The following GRIN2A variants were observed in gnomAD, a reference collection of about 807,000 sequenced individuals.
GRIN2A encodes the protein glutamate ionotropic receptor NMDA type subunit 2A.
In GRIN2A, 22 loss-of-function variants were observed where a neutral mutation model predicts 113.4. The ratio of observed to expected loss-of-function variants is 0.19; its 90% CI spans 0.14 to 0.28. The LOEUF (loss-of-function observed/expected upper bound fraction) is 0.28. Ranked by LOEUF, GRIN2A falls within the 10% of genes least tolerant of loss-of-function variation. The pLI, the probability that GRIN2A is intolerant of heterozygous loss-of-function variation, is 1.00. For missense variants in GRIN2A, 1,502 were observed against 1,887.0 expected, an observed-to-expected ratio of 0.80 and a Z score of 3.78; for synonymous variants, 827 against 738.4, an observed-to-expected ratio of 1.12 and a Z score of -1.94.
At chr16:9,924,797 G>A (rs1244268363) in intron 3 of GRIN2A, among the ~76,000 whole-genome samples, 2 of 152,034 alleles carry the variant, frequency 1.3e-5, no homozygotes, top group Admixed American at 6.6e-5. Flanking sequence ...TGTCAAACCT[G>A]CCATTAATCC....
At position 10,095,782 on chromosome 16, in the gene GRIN2A, T is replaced by A. The variant is rs1371629307; in HGVS notation, c.414+84216A>T. ...TACTACCTTAACCACGGAGTCAAAA[T>A]TAATATCACCAATATCAAGACCAAC... On this transcript the variant is annotated intron_variant, in intron 2 of 12. Coordinates refer to ENST00000330684, the MANE Select transcript of GRIN2A (RefSeq NM_001134407.3). Among the ~76,000 whole-genome samples the A allele has an allele frequency of 2.0e-5, 3 of 152,054 alleles. No homozygotes were observed. In the East Asian group the frequency reaches 5.8e-4, roughly 29 times the overall value.
chr16:9,975,443 T>A (rs1009177469), intron 2 of GRIN2A, among the ~76,000 whole-genome samples: 3 of 152,190 alleles, frequency 2.0e-5, no homozygotes, highest in Non-Finnish European at 4.4e-5. Context: ...AGATCTTCAT[T>A]CACCATTGCT....
At chr16:10,143,138 G>C (rs2049362213) in intron 2 of GRIN2A, among the ~76,000 whole-genome samples, 1 of 152,176 alleles carries the variant, frequency 6.6e-6, no homozygotes, top group Non-Finnish European at 1.5e-5. Context: ...CAGATTTCAT[G>C]GTTGGTATGC....
chr16:10,151,269 T>C (rs574887553), intron 2 of GRIN2A, among the ~76,000 whole-genome samples: 2 of 152,258 alleles, frequency 1.3e-5, no homozygotes, highest in Admixed American at 6.5e-5. Context: ...CCTCAACCTC[T>C]CAAGTTTGTG....
chr16:9,996,963 C>CA (rs1234878365), intron 2 of GRIN2A, among the ~76,000 whole-genome samples: 2 of 151,944 alleles, frequency 1.3e-5, no homozygotes, highest in Admixed American at 6.6e-5. Flanking sequence ...ACATTTCAAA[C>CA]AAAAAAACGC....
At chr16:9,766,698 G>A (rs1443556265) in intron 12 of GRIN2A, among the ~76,000 whole-genome samples, 1 of 152,048 alleles carries the variant, frequency 6.6e-6, no homozygotes, top group Non-Finnish European at 1.5e-5. Flanking sequence ...CTCCAGCCTG[G>A]GCAACAGAGG....
intron 2 of GRIN2A, among the ~76,000 whole-genome samples, chr16:9,945,345 G>T (rs1002902976): frequency 6.6e-6 from 1 of 152,046 alleles, no homozygotes; most frequent in African/African-American, 2.4e-5. Context: ...AGAGTAGGGA[G>T]AGCCATTCCA....
intron 2 of GRIN2A, among the ~76,000 whole-genome samples, chr16:10,120,563 T>C (rs2048813755): frequency 6.6e-6 from 1 of 151,758 alleles, no homozygotes; most frequent in Non-Finnish European, 1.5e-5. Flanking sequence ...ATTAAAATGA[T>C]CTCTATTTTC....
chr16:10,164,271 C>T (rs1035709845), intron 2 of GRIN2A, among the ~76,000 whole-genome samples: 4 of 152,222 alleles, frequency 2.6e-5, no homozygotes, highest in Admixed American at 2.0e-4. Flanking sequence ...CAGAACCTTC[C>T]TTGGTGTCTG....
At chr16:9,956,211 G>C (rs973257716) in intron 2 of GRIN2A, among the ~76,000 whole-genome samples, 1 of 152,118 alleles carries the variant, frequency 6.6e-6, no homozygotes, top group African/African-American at 2.4e-5. Context: ...TGTCCTGTGG[G>C]CTTTCTTGTG....
chr16:9,843,003 CAGAA>C (rs889432182), intron 5 of GRIN2A, among the ~76,000 whole-genome samples: 12 of 133,934 alleles, frequency 9.0e-5, no homozygotes, highest in South Asian at 4.9e-4. Flanking sequence ...AAGAGAGAAA[CAGAA>C]AGAGAAAAAG....
intron 2 of GRIN2A, among the ~76,000 whole-genome samples, chr16:10,016,053 T>C (rs983548623): frequency 2.1e-5 from 3 of 140,664 alleles, no homozygotes; most frequent in African/African-American, 8.2e-5. Flanking sequence ...GAGGTGGAGG[T>C]TGCAGTGAGC....
rs189935037 is a variant in GRIN2A, at chr16:10,132,335, C to T, written c.414+47663G>A. ...CAACAGAATGAGCAGAACAAGACACCGTCTCAAAAAAAAAAAAAAAAAAGA... is the reference window on the plus strand; with the variant it reads ...CAACAGAATGAGCAGAACAAGACACTGTCTCAAAAAAAAAAAAAAAAAAGA... On this transcript the variant is annotated intron_variant, in intron 2 of 12. Coordinates refer to ENST00000330684, the MANE Select transcript of GRIN2A (RefSeq NM_001134407.3). Among the ~76,000 whole-genome samples the T allele has an allele frequency of 2.4e-3, 140 of 58,802 alleles. 1 individual carries two copies. The highest frequency in any genetic ancestry group is 6.0e-3 in the African/African-American group (131 of 21,944). 38.6% of individuals were successfully genotyped at this position (58,802 alleles called of 152,430 possible). A position where few individuals can be genotyped will look rare whatever the true frequency, so the allele number is the denominator to read the frequency against.
At chr16:9,880,873 T>C (rs1013306643) in intron 4 of GRIN2A, among the ~76,000 whole-genome samples, 2 of 152,220 alleles carry the variant, frequency 1.3e-5, no homozygotes, top group Non-Finnish European at 2.9e-5. Flanking sequence ...TCTAAACACC[T>C]GGAGTTGCCA....
chr16:10,107,596 C>T (rs1375078), intron 2 of GRIN2A, among the ~76,000 whole-genome samples: 41,018 of 152,060 alleles, frequency 0.27, 5,764 homozygotes, highest in East Asian at 0.45. Flanking sequence ...AAGTTAGACA[C>T]GCTTCTGTGA....
intron 2 of GRIN2A, among the ~76,000 whole-genome samples, chr16:10,140,773 C>T (rs143160494): frequency 1.3e-5 from 2 of 152,118 alleles, no homozygotes; most frequent in South Asian, 2.1e-4. Flanking sequence ...TCTGATGAAG[C>T]GACCAGGAAG....
chr16:9,890,576 G>T (rs2043673666), intron 4 of GRIN2A, among the ~76,000 whole-genome samples: 1 of 152,214 alleles, frequency 6.6e-6, no homozygotes, highest in Non-Finnish European at 1.5e-5. Context: ...GCAAAAGACT[G>T]AGTACATGAA....
intron 2 of GRIN2A, among the ~76,000 whole-genome samples, chr16:10,141,452 C>T (rs777785710): frequency 5.5e-4 from 84 of 151,996 alleles, no homozygotes; most frequent in African/African-American, 2.0e-3. Context: ...CATGCCGCTG[C>T]ACTCCAGCCT....
At chr16:10,013,501 G>C (rs755296885) in intron 2 of GRIN2A, among the ~76,000 whole-genome samples, 1 of 152,224 alleles carries the variant, frequency 6.6e-6, no homozygotes, top group East Asian at 1.9e-4. Context: ...CTGCGGGACA[G>C]TAACTAGTGG....
Sources: gnomAD v4.1 joint callset for allele counts (sites outside exome capture counted in the v4.1 genomes callset) on GRCh38, gnomAD v4.1.1 for gene constraint, MANE v1.5 for transcripts, NCBI Gene and HGNC (gene_info 2026-07-23, HGNC 2026-07-21) for gene names.